Variants in WRNIP1 observed in about 807,000 individuals in gnomAD.
WRNIP1 encodes ATPase WRNIP1.
In WRNIP1, 41 loss-of-function variants were observed where a neutral mutation model predicts 56.1. The ratio of observed to expected loss-of-function variants is 0.73; its 90% CI spans 0.57 to 0.95. WRNIP1 has a LOEUF of 0.95. Ranked by LOEUF, WRNIP1 falls within the 40% of genes least tolerant of loss-of-function variation. The pLI, the probability that WRNIP1 is intolerant of heterozygous loss-of-function variation, is 0.00. For missense variants in WRNIP1, 1,170 were observed against 939.4 expected, an observed-to-expected ratio of 1.25 and a Z score of -3.21; for synonymous variants, 547 against 398.1, an observed-to-expected ratio of 1.37 and a Z score of -4.45.
intron 2 of WRNIP1, 115 bp from the exon 3 acceptor site, chr6:2,770,005 C>G (rs972206823): frequency 6.8e-7 from 1 of 1,461,546 alleles, no homozygotes; most frequent in African/African-American, 1.4e-5. Context: ...GCTGCTATTC[C>G]TGAACTCGAA....
chr6:2,773,771 A>G (rs1765367070), intron 3 of WRNIP1: 1 of 985,072 alleles, frequency 1.0e-6, no homozygotes, highest in African/African-American at 1.7e-5. Flanking sequence ...AACACTCCTA[A>G]AGAATCAATT....
chr6:2,784,290 G>T, intron 5 of WRNIP1, 34 bp from the exon 6 acceptor site: 4 of 1,601,600 alleles, frequency 2.5e-6, no homozygotes, highest in South Asian at 2.2e-5. Flanking sequence ...TGTGTGTCAT[G>T]ACTGAAACTC....
At position 2,779,334 on chromosome 6, in the gene WRNIP1, G is replaced by T; in HGVS notation, c.1328G>T (p.Gly443Val). The T allele has an allele frequency of 6.2e-7, 1 of 1,614,176 alleles. No individual in the cohort carries two copies. Among genetic ancestry groups the T allele is most frequent in the Non-Finnish European group, 8.5e-7 (1 of 1,180,030 alleles). Reference sequence around the variant, plus strand: ...CTCAGTGACGGTGACGCCCGAGCTGGGTTGAACGGACTGCAGCTGGCGGTG... The same window carrying T: ...CTCAGTGACGGTGACGCCCGAGCTGTGTTGAACGGACTGCAGCTGGCGGTG... ...AYLSDGDARA[G>V]LNGLQLAVLA... The change falls in exon 4 of 7, where the codon GGG becomes GTG. Residue 443 changes from glycine (G) to valine (V), a missense_variant. Transcript: ENST00000380773.
intron 3 of WRNIP1, among the ~76,000 whole-genome samples, chr6:2,777,758 G>A (rs545324396): frequency 6.6e-6 from 1 of 152,272 alleles, no homozygotes; most frequent in South Asian, 2.1e-4. Context: ...GTGATCCCCA[G>A]GCTTTATAGA....
chr6:2,768,383 G>GTTCTTTACT (rs1288195291), intron 1 of WRNIP1, among the ~76,000 whole-genome samples: 16 of 152,172 alleles, frequency 1.1e-4, no homozygotes, highest in Non-Finnish European at 2.2e-4. Flanking sequence ...CAAGACAGCC[G>GTTCTTTACT]TTCTTTACTG....
intron 4 of WRNIP1, among the ~76,000 whole-genome samples, chr6:2,779,963 GTTT>G: frequency 6.6e-6 from 1 of 152,294 alleles, no homozygotes; most frequent in African/African-American, 2.4e-5. Context: ...GGATCTTGAA[GTTT>G]TTATTTTATG....
At chr6:2,784,020 C>T (rs1329717235) in intron 5 of WRNIP1, among the ~76,000 whole-genome samples, 1 of 152,150 alleles carries the variant, frequency 6.6e-6, no homozygotes, top group Non-Finnish European at 1.5e-5. Context: ...TTAGTGTTTC[C>T]ATCCTGGTGA....
intron 1 of WRNIP1, 38 bp from the exon 2 acceptor site, chr6:2,768,653 A>T (rs774914981): frequency 2.7e-5 from 42 of 1,548,632 alleles, no homozygotes; most frequent in Non-Finnish European, 3.3e-5. Context: ...TCTGTGTCTT[A>T]CCAGCTTTTC....
intron 3 of WRNIP1, chr6:2,773,802 AT>A: frequency 1.2e-6 from 1 of 845,216 alleles, no homozygotes; most frequent in Non-Finnish European, 1.4e-6. Flanking sequence ...CAGATAGAGT[AT>A]ACAAGTCTTT....
At chr6:2,771,335 A>G (rs894653611) in intron 3 of WRNIP1, among the ~76,000 whole-genome samples, 12 of 152,204 alleles carry the variant, frequency 7.9e-5, no homozygotes, top group Admixed American at 2.6e-4. Context: ...TGTCTAATGA[A>G]AGCATTGAAA....
Position 2,770,321 on chromosome 6 carries a change from C to A in WRNIP1, c.1216C>A (p.Pro406Thr). The A allele has an allele frequency of 6.2e-7, 1 of 1,614,178 alleles. No individual in the cohort carries two copies. The highest frequency in any genetic ancestry group is 8.5e-7 in the Non-Finnish European group (1 of 1,180,030). The change falls in exon 3 of 7, where the codon CCC (proline) becomes ACC (threonine). Residue 406 changes from proline to threonine, a missense_variant. Physicochemically the swap from Pro to Thr is conservative, Grantham distance 38. Coordinates refer to ENST00000380773, the MANE Select transcript of WRNIP1 (RefSeq NM_020135.3). The part of the protein sequence containing the change: ...LGIHVLDSSR[P>T]TDPLSHSSNS... Reference sequence around the variant, plus strand: ...AATCCACGTCCTAGACTCTAGCCGTCCCACTGACCCTCTGAGCCACAGCAG... The same window carrying A: ...AATCCACGTCCTAGACTCTAGCCGTACCACTGACCCTCTGAGCCACAGCAG...
rs750142266 is a variant in WRNIP1, at chr6:2,766,358, G to T, written c.736G>T (p.Val246Leu). 1 of 1,609,950 alleles carries T rather than the reference G, an allele frequency of 6.2e-7. No individual in the cohort carries two copies. Among genetic ancestry groups the T allele is most frequent in the African/African-American group, 1.3e-5 (1 of 74,874 alleles). ...GGATTACTTCGGGCAGAGCAAGGCCGTGGGCCAGGATACCCTGCTGCGCTC... is the reference window on the plus strand; with the variant it reads ...GGATTACTTCGGGCAGAGCAAGGCCTTGGGCCAGGATACCCTGCTGCGCTC... ...LQDYFGQSKA[V>L]GQDTLLRSLL... Residue 246 changes from valine to leucine, a missense_variant, in exon 1 of 7, where the codon GTG becomes TTG. Physicochemically the swap from Val to Leu is conservative, Grantham distance 32. Coordinates refer to ENST00000380773, the MANE Select transcript of WRNIP1 (RefSeq NM_020135.3).
intron 4 of WRNIP1, 43 bp from the exon 5 acceptor site, chr6:2,783,363 C>T (rs1163851184): frequency 4.0e-6 from 6 of 1,494,892 alleles, no homozygotes; most frequent in Non-Finnish European, 5.4e-6. Context: ...CTTGGGCGCC[C>T]CTCCTGTGAG....
chr6:2,783,303 C>T, intron 4 of WRNIP1, 103 bp from the exon 5 acceptor site: 2 of 1,300,546 alleles, frequency 1.5e-6, no homozygotes. Flanking sequence ...TTTCTCAGGG[C>T]CTTTATTCGT....
chr6:2,781,886 G>A (rs1022361976), intron 4 of WRNIP1, among the ~76,000 whole-genome samples: 1 of 152,172 alleles, frequency 6.6e-6, no homozygotes, highest in Non-Finnish European at 1.5e-5. Context: ...GAAACCTGAG[G>A]CACAGTGAGG....
In WRNIP1 at chr6:2,768,896, C is replaced by T. The variant is rs760750198; in HGVS notation, c.1014+14C>T. ...AAATCTCAGCAGGTATATTAACTTC[C>T]TTCTACCTTTTGGTCGTTGTGAACA... is the stretch of plus-strand genomic sequence containing the variant. On this transcript the variant is annotated intron_variant, in intron 2 of 6. Coordinates refer to ENST00000380773, the MANE Select transcript of WRNIP1 (RefSeq NM_020135.3). 6 of 1,596,082 alleles carry T rather than the reference C, an allele frequency of 3.8e-6. No homozygotes were observed. The highest frequency in any genetic ancestry group is 1.3e-5 in the African/African-American group (1 of 74,206).
rs542386561 is a variant in WRNIP1, at chr6:2,765,620, G to T, written c.-3G>T. On this transcript the variant is annotated 5_prime_UTR_variant, in exon 1 of 7. Coordinates refer to ENST00000380773, the MANE Select transcript of WRNIP1 (RefSeq NM_020135.3). Reference sequence around the variant, plus strand: ...CCGGGCGCCGGGGAGGGCGGCGGCCGCCATGGAGGTGAGCGGGCCGGAAGA... The same window carrying T: ...CCGGGCGCCGGGGAGGGCGGCGGCCTCCATGGAGGTGAGCGGGCCGGAAGA... 6.6e-7 allele frequency: 1 copy of T among 1,520,480 alleles called. No individual in the cohort carries two copies. The highest frequency in any genetic ancestry group is 2.8e-5 in the East Asian group (1 of 36,224). 94.2% of individuals were successfully genotyped at this position (1,520,480 alleles called of 1,614,324 possible). A position where few individuals can be genotyped will look rare whatever the true frequency, so the allele number is the denominator to read the frequency against.
intron 4 of WRNIP1, among the ~76,000 whole-genome samples, chr6:2,780,450 T>G (rs1403366057): frequency 6.6e-6 from 1 of 152,212 alleles, no homozygotes; most frequent in Non-Finnish European, 1.5e-5. Flanking sequence ...CTTTTTGGCT[T>G]TAGCGTGCCT....
chr6:2,777,590 G>A (rs1337476993), intron 3 of WRNIP1, among the ~76,000 whole-genome samples: 1 of 152,172 alleles, frequency 6.6e-6, no homozygotes. Context: ...GTGCAGTAAG[G>A]GGCTGAGAGT....
Sources: allele counts gnomAD v4.1 joint callset (sites outside exome capture counted in the v4.1 genomes callset), GRCh38; gene constraint gnomAD v4.1.1; transcripts MANE v1.5; gene names NCBI Gene and HGNC (gene_info 2026-07-23, HGNC 2026-07-21).